Variants in GATB observed in about 807,000 individuals in gnomAD.
The protein encoded by GATB is glutamyl-tRNA amidotransferase subunit B, also known as glutamyl-tRNA(Gln) amidotransferase subunit B, mitochondrial.
A neutral mutation model predicts 62.3 loss-of-function variants in GATB; 39 were observed. The ratio of observed to expected loss-of-function variants is 0.63; its 90% CI spans 0.48 to 0.82. The LOEUF is 0.82. Among genes scored for constraint, GATB ranks in the 40% least tolerant of loss-of-function variants. GATB has a pLI of 0.00. For synonymous variants in GATB, 276 were observed against 258.9 expected, an observed-to-expected ratio of 1.07 and a Z score of -0.63; for missense variants, 670 against 684.0, an observed-to-expected ratio of 0.98 and a Z score of 0.23.
chr4:151,739,761 CTT>C (rs1431561197), intron 2 of GATB, among the ~76,000 whole-genome samples: 1 of 152,180 alleles, frequency 6.6e-6, no homozygotes, highest in Non-Finnish European at 1.5e-5. Context: ...TCTGTATTCT[CTT>C]GTCCCCAAAA....
chr4:151,746,892 G>T (rs1005901375), intron 2 of GATB, among the ~76,000 whole-genome samples: 1 of 152,032 alleles, frequency 6.6e-6, no homozygotes, highest in Non-Finnish European at 1.5e-5. Flanking sequence ...CAAATACACA[G>T]ATGTGTACAT....
At chr4:151,707,583 G>A (rs1025713159) in intron 6 of GATB, among the ~76,000 whole-genome samples, 3 of 152,196 alleles carry the variant, frequency 2.0e-5, no homozygotes, top group Non-Finnish European at 4.4e-5. Context: ...ATGAGGCACT[G>A]TGCCTGGCCT....
In GATB at chr4:151,688,743, C is replaced by T. The variant is rs1738303906; in HGVS notation, c.1218G>A (p.Glu406=). ...TTTCTTTTATCACATTTTGGAAGAA[C>T]TCCAGTAGGCCGACTTCGTTCTGTT... The part of the protein sequence containing the change: ...FTLLNEVGLL[E]FFQNVIKETR... The change falls in exon 10 of 13, where the codon GAG becomes GAA. Residue 406 remains glutamate, a synonymous_variant. Transcript: ENST00000263985. 1.3e-6 allele frequency: 2 copies of T among 1,597,200 alleles called. No homozygotes were observed. Among genetic ancestry groups the T allele is most frequent in the African/African-American group, 2.7e-5 (2 of 72,908 alleles).
intron 2 of GATB, chr4:151,722,216 C>A (rs941633647): frequency 1.4e-6 from 1 of 701,178 alleles, no homozygotes; most frequent in Admixed American, 2.0e-5. Flanking sequence ...TGTCTTCACT[C>A]TGAAAAAAAA....
intron 3 of GATB, among the ~76,000 whole-genome samples, chr4:151,718,854 A>C (rs911680192): frequency 6.6e-6 from 1 of 152,238 alleles, no homozygotes; most frequent in African/African-American, 2.4e-5. Flanking sequence ...TTTCAGAAAA[A>C]AGCGGGTCAA....
At position 151,696,427 on chromosome 4, in the gene GATB, G is replaced by A. The variant is rs200044482; in HGVS notation, c.1197+4902C>T. Among the ~76,000 whole-genome samples the A allele has an allele frequency of 3.3e-5, 5 of 152,316 alleles. No homozygotes were observed. The East Asian group carries it at 9.6e-4, about 29-fold the overall frequency. On this transcript the variant is annotated intron_variant, in intron 9 of 12. Coordinates refer to ENST00000263985, the MANE Select transcript of GATB (RefSeq NM_004564.3). ...TTTTCTCCACTAATGAAACACAAGT[G>A]ACTCCAAACATCAATTAACTAAAAA...
intron 2 of GATB, among the ~76,000 whole-genome samples, chr4:151,731,536 C>A (rs1416792652): frequency 6.6e-6 from 1 of 152,192 alleles, no homozygotes; most frequent in Non-Finnish European, 1.5e-5. Flanking sequence ...CCGGCTGCCA[C>A]CCCGTCTGGG....
At chr4:151,705,344 C>T in intron 6 of GATB, 75 bp from the exon 7 acceptor site, 1 of 899,032 alleles carries the variant, frequency 1.1e-6, no homozygotes, top group Non-Finnish European at 1.8e-6. Flanking sequence ...TTAGAAACAA[C>T]CTTTCTCAAT....
intron 6 of GATB, among the ~76,000 whole-genome samples, chr4:151,706,876 T>C (rs1738725795): frequency 1.3e-5 from 2 of 152,238 alleles, no homozygotes; most frequent in African/African-American, 4.8e-5. Context: ...CATCCCTCCC[T>C]CTTCCTCTCT....
At chr4:151,685,655 A>G (rs1456380799) in intron 10 of GATB, among the ~76,000 whole-genome samples, 3 of 152,200 alleles carry the variant, frequency 2.0e-5, no homozygotes, top group East Asian at 1.9e-4. Context: ...TATCCCATCC[A>G]TAAACTCTTC....
chr4:151,738,332 C>G (rs1404650810), intron 2 of GATB, among the ~76,000 whole-genome samples: 1 of 152,130 alleles, frequency 6.6e-6, no homozygotes, highest in African/African-American at 2.4e-5. Context: ...GGGGGCAGGT[C>G]TTTCCTGTGC....
chr4:151,745,699 C>T (rs1578938551), intron 2 of GATB, among the ~76,000 whole-genome samples: 1 of 152,192 alleles, frequency 6.6e-6, no homozygotes, highest in South Asian at 2.1e-4. Context: ...TTCCCCTCTT[C>T]ATTCCCCTTA....
intron 6 of GATB, among the ~76,000 whole-genome samples, chr4:151,706,516 CA>C (rs1738718926): frequency 6.6e-6 from 1 of 152,230 alleles, no homozygotes; most frequent in Non-Finnish European, 1.5e-5. Flanking sequence ...TCAAACCTTT[CA>C]TGGCTTTGGG....
At chr4:151,733,806 A>G (rs1196836306) in intron 2 of GATB, among the ~76,000 whole-genome samples, 1 of 152,242 alleles carries the variant, frequency 6.6e-6, no homozygotes, top group East Asian at 1.9e-4. Flanking sequence ...TATGCAATTC[A>G]ATAAATGGGA....
intron 11 of GATB, chr4:151,677,777 GATAAA>G (rs1446074762): frequency 2.0e-5 from 3 of 151,826 alleles, no homozygotes; most frequent in African/African-American, 7.3e-5. Flanking sequence ...AAAATGTCCA[GATAAA>G]ATAAAAATAA....
intron 2 of GATB, chr4:151,721,976 T>A: frequency 3.6e-6 from 2 of 557,240 alleles, no homozygotes; most frequent in Non-Finnish European, 6.3e-6. Context: ...TGCTTTAATC[T>A]TTTTTTGATG....
At chr4:151,688,592 C>G in intron 10 of GATB, 38 bp downstream of exon 10, 1 of 1,582,616 alleles carries the variant, frequency 6.3e-7, no homozygotes. Flanking sequence ...GGACAGAGCT[C>G]ATCACAAAGG....
At chr4:151,750,509 C>T (rs929499219) in intron 2 of GATB, among the ~76,000 whole-genome samples, 2 of 152,008 alleles carry the variant, frequency 1.3e-5, no homozygotes, top group Non-Finnish European at 2.9e-5. Flanking sequence ...AACGTGGACT[C>T]CTAAGACTTG....
At chr4:151,710,537 T>C (rs184144985) in intron 5 of GATB, among the ~76,000 whole-genome samples, 5 of 152,246 alleles carry the variant, frequency 3.3e-5, no homozygotes, top group East Asian at 1.9e-4. Context: ...TCTCTCCCCA[T>C]CTCTCTAAAA....
Sources: allele counts gnomAD v4.1 joint callset (sites outside exome capture counted in the v4.1 genomes callset), GRCh38; gene constraint gnomAD v4.1.1; transcripts MANE v1.5; gene names NCBI Gene and HGNC (gene_info 2026-07-23, HGNC 2026-07-21).